Variants in GABBR2 observed in about 807,000 individuals in gnomAD.
GABBR2 encodes G-protein coupled receptor 51.
GABBR2 carries 23 observed loss-of-function variants against 105.6 expected under a neutral mutation model. That is an observed-to-expected ratio of 0.22 (90% CI 0.16 to 0.31). GABBR2 has a LOEUF of 0.31. GABBR2 is among the 10% of genes least tolerant of loss of function. The pLI is 1.00. For synonymous variants in GABBR2, 478 were observed against 499.7 expected (o/e 0.96, Z 0.58); for missense variants, 734 against 1,245.5 (o/e 0.59, Z 6.18).
intron 13 of GABBR2, among the ~76,000 whole-genome samples, chr9:98,345,795 C>T (rs186330078): frequency 6.6e-6 from 1 of 152,308 alleles, no homozygotes; most frequent in Admixed American, 6.5e-5. Context: ...CACTTGCTTT[C>T]CTATACAGGC....
At chr9:98,337,960 T>A (rs1186142847) in intron 13 of GABBR2, among the ~76,000 whole-genome samples, 2 of 152,158 alleles carry the variant, frequency 1.3e-5, no homozygotes, top group Non-Finnish European at 2.9e-5. Flanking sequence ...AGGAGGAGTT[T>A]GCAGTGAGCT....
chr9:98,667,032 C>T (rs549936718), intron 1 of GABBR2, among the ~76,000 whole-genome samples: 3 of 152,144 alleles, frequency 2.0e-5, no homozygotes, highest in Admixed American at 6.5e-5. Flanking sequence ...GACAGTGCAG[C>T]AGTCATGGTC....
At chr9:98,492,388 A>C in intron 4 of GABBR2, among the ~76,000 whole-genome samples, 1 of 147,358 alleles carries the variant, frequency 6.8e-6, no homozygotes, top group Non-Finnish European at 1.5e-5. Context: ...TTCTTATTTG[A>C]AAACAGAAAA....
chr9:98,310,714 C>T (rs1045139062), intron 14 of GABBR2, among the ~76,000 whole-genome samples: 4 of 152,154 alleles, frequency 2.6e-5, no homozygotes, highest in Admixed American at 6.5e-5. Flanking sequence ...AGAGAGGGTC[C>T]GCTGAAATGC....
chr9:98,390,499 T>G (rs1009790807), intron 9 of GABBR2, among the ~76,000 whole-genome samples: 2 of 151,778 alleles, frequency 1.3e-5, no homozygotes, highest in Non-Finnish European at 2.9e-5. Flanking sequence ...AACCTGCTGA[T>G]GTGGTTAATG....
At chr9:98,629,917 A>G (rs1829794089) in intron 1 of GABBR2, among the ~76,000 whole-genome samples, 1 of 152,230 alleles carries the variant, frequency 6.6e-6, no homozygotes, top group Non-Finnish European at 1.5e-5. Flanking sequence ...TATTAATATT[A>G]CATCAAAACA....
chr9:98,668,511 A>G (rs1276995481), intron 1 of GABBR2, among the ~76,000 whole-genome samples: 1 of 152,178 alleles, frequency 6.6e-6, no homozygotes, highest in African/African-American at 2.4e-5. Context: ...TTGTGGCAAA[A>G]TACACATAAC....
At chr9:98,546,052 T>C (rs1828394870) in intron 2 of GABBR2, among the ~76,000 whole-genome samples, 1 of 152,240 alleles carries the variant, frequency 6.6e-6, no homozygotes, top group Non-Finnish European at 1.5e-5. Flanking sequence ...CTAGTTTTCT[T>C]ATAATTTCTA....
chr9:98,321,805 G>A (rs7037275), intron 13 of GABBR2, among the ~76,000 whole-genome samples: 39,999 of 152,072 alleles, frequency 0.26, 5,903 homozygotes, highest in East Asian at 0.54. Flanking sequence ...GCTTATACTT[G>A]GCACTAAATG....
At chr9:98,428,575 C>G (rs1027614760) in intron 7 of GABBR2, among the ~76,000 whole-genome samples, 1 of 152,180 alleles carries the variant, frequency 6.6e-6, no homozygotes, top group East Asian at 1.9e-4. Context: ...TGGCCCCATG[C>G]TCAGCCTTGA....
chr9:98,452,963 G>A (rs1826257750), intron 7 of GABBR2, among the ~76,000 whole-genome samples: 1 of 152,166 alleles, frequency 6.6e-6, no homozygotes, highest in African/African-American at 2.4e-5. Context: ...AGCTTCTCCT[G>A]GCCCACCCCA....
At chr9:98,316,641 G>C (rs1311995001) in intron 13 of GABBR2, among the ~76,000 whole-genome samples, 3 of 152,148 alleles carry the variant, frequency 2.0e-5, no homozygotes, top group Non-Finnish European at 2.9e-5. Context: ...GTAAGACCAG[G>C]ACAGTTCCCA....
chr9:98,517,497 C>G (rs746309150), intron 3 of GABBR2, among the ~76,000 whole-genome samples: 1 of 152,102 alleles, frequency 6.6e-6, no homozygotes, highest in South Asian at 2.1e-4. Flanking sequence ...GCTGAGAGCC[C>G]GAAACGCAGC....
chr9:98,294,635 C>A (rs1471007797), intron 17 of GABBR2, among the ~76,000 whole-genome samples: 2 of 152,044 alleles, frequency 1.3e-5, no homozygotes, highest in Non-Finnish European at 2.9e-5. Flanking sequence ...TGCCACCATG[C>A]CCAGCTAATT....
intron 7 of GABBR2, among the ~76,000 whole-genome samples, chr9:98,447,952 G>A (rs1384919077): frequency 1.3e-5 from 2 of 152,070 alleles, no homozygotes; most frequent in East Asian, 3.9e-4. Context: ...AGCAACAAAA[G>A]CAAATGGATC....
At chr9:98,616,350 G>A (rs1408847247) in intron 1 of GABBR2, among the ~76,000 whole-genome samples, 1 of 152,212 alleles carries the variant, frequency 6.6e-6, no homozygotes, top group Non-Finnish European at 1.5e-5. Context: ...TTGACTTGCT[G>A]TAGTCTGGAA....
intron 2 of GABBR2, among the ~76,000 whole-genome samples, chr9:98,549,239 C>A (rs1326529216): frequency 8.2e-6 from 1 of 122,312 alleles, no homozygotes; most frequent in African/African-American, 2.6e-5. Flanking sequence ...AGCCACTGTG[C>A]CTGGCTTCTT....
chr9:98,368,801 C>A (rs1433692235), intron 12 of GABBR2, among the ~76,000 whole-genome samples: 2 of 152,178 alleles, frequency 1.3e-5, no homozygotes, highest in African/African-American at 2.4e-5. Context: ...GCAGGAGGGG[C>A]CCCAGAAGCC....
At chr9:98,453,333 CCTTT>C (rs375179753) in intron 7 of GABBR2, among the ~76,000 whole-genome samples, 1 of 152,222 alleles carries the variant, frequency 6.6e-6, no homozygotes, top group African/African-American at 2.4e-5. Flanking sequence ...GCCTCTATGC[CCTTT>C]CTTTCTTTTT....
Sources: allele counts gnomAD v4.1 joint callset (sites outside exome capture counted in the v4.1 genomes callset), GRCh38; gene constraint gnomAD v4.1.1; transcripts MANE v1.5; gene names NCBI Gene and HGNC (gene_info 2026-07-23, HGNC 2026-07-21).